The following PHACTR2 variants were observed in gnomAD, a reference collection of about 807,000 sequenced individuals.
PHACTR2 encodes the protein phosphatase and actin regulator 2, also known as chromosome 6 open reading frame 56.
PHACTR2 carries 30 observed loss-of-function variants against 76.0 expected under a neutral mutation model. The observed-to-expected ratio is 0.39, with a 90% CI of 0.30 to 0.54. The LOEUF (loss-of-function observed/expected upper bound fraction) is 0.54. PHACTR2 is among the 20% of genes least tolerant of loss of function. PHACTR2 has a pLI of 0.61. For synonymous variants in PHACTR2, 292 were observed against 292.5 expected, an observed-to-expected ratio of 1.00 and a Z score of 0.02; for missense variants, 696 against 781.1, an observed-to-expected ratio of 0.89 and a Z score of 1.30.
chr6:143,808,969 A>T (rs1211714195), intron 12 of PHACTR2, among the ~76,000 whole-genome samples: 6 of 152,232 alleles, frequency 3.9e-5, no homozygotes, highest in African/African-American at 1.4e-4. Context: ...AAGGTGGAAT[A>T]TTTTGAGTGA....
At position 143,754,018 on chromosome 6, in the gene PHACTR2, G is replaced by A; in HGVS notation, c.454+106G>A. On this transcript the variant is annotated intron_variant, in intron 4 of 12. Coordinates refer to ENST00000440869, the MANE Select transcript of PHACTR2 (RefSeq NM_001100164.2). The surrounding 1 kb of genome is among the most constrained non-coding windows in gnomAD (Gnocchi z 6.2). ...ACTCTAAAACCAGCAGTCTGCAGAGGAGAGGTTTACAAATAGAAAAAAGAA... is the reference window on the plus strand; with the variant it reads ...ACTCTAAAACCAGCAGTCTGCAGAGAAGAGGTTTACAAATAGAAAAAAGAA... The A allele has an allele frequency of 1.7e-6, 1 of 597,990 alleles. No individual in the cohort carries two copies. Among genetic ancestry groups the A allele is most frequent in the Non-Finnish European group, 2.7e-6 (1 of 376,236 alleles). The allele number at this position is 597,990 out of a possible 1,614,324, so 37.0% of individuals were successfully genotyped here. A position where few individuals can be genotyped will look rare whatever the true frequency, so the allele number is the denominator to read the frequency against.
rs570386431 is a variant in PHACTR2, at chr6:143,550,160, A to G, written c.217+12953A>G. 6.6e-5 allele frequency among the ~76,000 whole-genome samples: 10 copies of G among 152,128 alleles called. No homozygotes were observed. Among genetic ancestry groups the G allele is most frequent in the Admixed American group, 5.9e-4 (9 of 15,278 alleles). On this transcript the variant is annotated intron_variant, in intron 1 of 11. Coordinates refer to the PHACTR2 transcript ENST00000367584. This position sits in a 1 kb window ranked among gnomAD's most constrained non-coding sequence, Gnocchi z 4.8. ...TATTATCTAATGTAGCATTTCTCAT[A>G]TCTAATGTAGACTTTCTCATACACA...
intron 1 of PHACTR2, among the ~76,000 whole-genome samples, chr6:143,587,473 A>T (rs1345817410): frequency 6.6e-6 from 1 of 152,132 alleles, no homozygotes; most frequent in African/African-American, 2.4e-5. Context: ...ATAATAATAA[A>T]AGCAAGATAT....
chr6:143,727,960 C>G (rs1369577147), intron 2 of PHACTR2, among the ~76,000 whole-genome samples: 1 of 152,250 alleles, frequency 6.6e-6, no homozygotes, highest in Admixed American at 6.5e-5. Context: ...TTCACCTCTC[C>G]TATTGAACTG....
In PHACTR2 at chr6:143,596,013, G is replaced by T. The variant is rs1395535757; in HGVS notation, c.217+58806G>T. On this transcript the variant is annotated intron_variant, in intron 1 of 11. Transcript: ENST00000367584. The surrounding 1 kb of genome is among the most constrained non-coding windows in gnomAD (Gnocchi z 4.6). ...CTATCTACTGGAGACTCTTAAAATA[G>T]TACTTTAAAGAATAAAAGAACACTT... Among the ~76,000 whole-genome samples, 3 of 152,138 alleles carry T rather than the reference G, an allele frequency of 2.0e-5. No individual in the cohort carries two copies. The highest frequency in any genetic ancestry group is 4.4e-5 in the Non-Finnish European group (3 of 68,030).
rs1277562733 is a variant in PHACTR2, at chr6:143,753,947, GT to G, written c.454+36del. The G allele has an allele frequency of 1.3e-6, 2 of 1,494,650 alleles. No individual in the cohort carries two copies. The highest frequency in any genetic ancestry group is 1.8e-6 in the Non-Finnish European group (2 of 1,102,596). 92.6% of individuals were successfully genotyped at this position (1,494,650 alleles called of 1,614,324 possible). A position where few individuals can be genotyped will look rare whatever the true frequency, so the allele number is the denominator to read the frequency against. ...AGACAAACCCATATTATTTACTTTA[GT>G]ATATAGCTCAATGTCTAGAACCAGC... On this transcript the variant is annotated intron_variant, in intron 4 of 12. Transcript: ENST00000440869. This position sits in a 1 kb window ranked among gnomAD's most constrained non-coding sequence, Gnocchi z 4.6.
chr6:143,758,761 G>A (rs566819238), intron 4 of PHACTR2, among the ~76,000 whole-genome samples: 2 of 152,230 alleles, frequency 1.3e-5, no homozygotes, highest in African/African-American at 4.8e-5. Flanking sequence ...AGGATTTTGT[G>A]GCTGAGGCAG....
At position 143,633,851 on chromosome 6, in the gene PHACTR2, A is replaced by C. The variant is rs1297753713; in HGVS notation, c.13+25529A>C. Among the ~76,000 whole-genome samples the C allele has an allele frequency of 4.7e-4, 71 of 152,164 alleles. No individual in the cohort carries two copies. Among genetic ancestry groups the C allele is most frequent in the Non-Finnish European group, 1.9e-4 (13 of 68,040 alleles). On this transcript the variant is annotated intron_variant, in intron 1 of 11. Transcript: ENST00000305766. This position sits in a 1 kb window ranked among gnomAD's most constrained non-coding sequence, Gnocchi z 4.1. ...TCTAGATTCATTTTTTCGCATTTAG[A>C]TGTCCAGTTACCTTTTGAAGATGAA...
Position 143,597,026 on chromosome 6 carries a change from G to A in PHACTR2, c.217+59819G>A, listed in dbSNP as rs893248326. Among the ~76,000 whole-genome samples, 6 of 152,016 alleles carry A rather than the reference G, an allele frequency of 3.9e-5. No homozygotes were observed. Among genetic ancestry groups the A allele is most frequent in the South Asian group, 2.1e-4 (1 of 4,816 alleles). On this transcript the variant is annotated intron_variant, in intron 1 of 11. Coordinates refer to the PHACTR2 transcript ENST00000367584. This position sits in a 1 kb window ranked among gnomAD's most constrained non-coding sequence, Gnocchi z 5.7. Reference sequence around the variant, plus strand: ...GCCCTCCTGCCTCCTTCCCTCCTGCGTTTCTGCTCCCAGTATGCACATCAA... The same window carrying A: ...GCCCTCCTGCCTCCTTCCCTCCTGCATTTCTGCTCCCAGTATGCACATCAA...
intron 1 of PHACTR2, among the ~76,000 whole-genome samples, chr6:143,632,470 C>T (rs1157473677): frequency 2.0e-5 from 3 of 152,222 alleles, no homozygotes; most frequent in East Asian, 3.9e-4. Context: ...TTTAGGTTTA[C>T]AGCAACATAA....
rs1340491822 is a variant in PHACTR2, at chr6:143,618,847, C to A, written c.13+10525C>A. On this transcript the variant is annotated intron_variant, in intron 1 of 11. Coordinates refer to the PHACTR2 transcript ENST00000305766. This position sits in a 1 kb window ranked among gnomAD's most constrained non-coding sequence, Gnocchi z 5.2. Reference sequence around the variant, plus strand: ...AAACTCTCTTCTACCCCTGTTGGAACACGTAGCAGATATACCATCATGCTG... The same window carrying A: ...AAACTCTCTTCTACCCCTGTTGGAAAACGTAGCAGATATACCATCATGCTG... Among the ~76,000 whole-genome samples the A allele has an allele frequency of 1.3e-5, 2 of 152,082 alleles. No homozygotes were observed. The highest frequency in any genetic ancestry group is 4.8e-5 in the African/African-American group (2 of 41,398).
intron 2 of PHACTR2, among the ~76,000 whole-genome samples, chr6:143,728,416 G>T (rs1391982653): frequency 2.0e-5 from 3 of 151,592 alleles, no homozygotes; most frequent in Non-Finnish European, 4.4e-5. Context: ...GTTTCACCAT[G>T]TTGCCCAGGC....
intron 6 of PHACTR2, among the ~76,000 whole-genome samples, chr6:143,768,184 G>A (rs1211329066): frequency 6.6e-6 from 1 of 152,138 alleles, no homozygotes; most frequent in Non-Finnish European, 1.5e-5. Flanking sequence ...TCAAACCCTA[G>A]GAGCATTCTT....
At chr6:143,677,915 T>A, upstream of PHACTR2, 16 of 397,220 alleles carry the variant, frequency 4.0e-5, no homozygotes, top group Non-Finnish European at 5.1e-5. Context: ...ACCCCCCTTC[T>A]TCCCCCGTGA....
At chr6:143,577,919 G>A (rs7751857) in intron 1 of PHACTR2, among the ~76,000 whole-genome samples, 49,432 of 151,682 alleles carry the variant, frequency 0.33, 8,729 homozygotes, top group Non-Finnish European at 0.4. Flanking sequence ...AGAGAAATAT[G>A]ACTATCAATA....
rs544471845 is a variant in PHACTR2, at chr6:143,618,885, C to T, written c.13+10563C>T. On this transcript the variant is annotated intron_variant, in intron 1 of 11. Coordinates refer to the PHACTR2 transcript ENST00000305766. The surrounding 1 kb of genome is among the most constrained non-coding windows in gnomAD (Gnocchi z 5.2). The stretch of plus-strand genomic sequence containing the variant: ...TACCATCATGCTGCTTCACGTGCTC[C>T]TCAAGAACAGGGCCACGTCTCCTTC... Among the ~76,000 whole-genome samples, 1 of 152,220 alleles carries T rather than the reference C, an allele frequency of 6.6e-6. No individual in the cohort carries two copies. Among genetic ancestry groups the T allele is most frequent in the South Asian group, 2.1e-4 (1 of 4,814 alleles).
chr6:143,651,925 GA>G (rs1776770086), intron 1 of PHACTR2, among the ~76,000 whole-genome samples: 1 of 151,574 alleles, frequency 6.6e-6, no homozygotes, highest in African/African-American at 2.4e-5. Flanking sequence ...CACTCACACA[GA>G]AAAGGCCATG....
At position 143,585,103 on chromosome 6, in the gene PHACTR2, A is replaced by G. The variant is rs924538557; in HGVS notation, c.217+47896A>G. The stretch of plus-strand genomic sequence containing the variant: ...AGCAATTATGGAGTTGTTGACGGGC[A>G]GGACCAAGGCCTGGCAGTAGACCCG... On this transcript the variant is annotated intron_variant, in intron 1 of 11. Coordinates refer to the PHACTR2 transcript ENST00000367584. The surrounding 1 kb of genome is among the most constrained non-coding windows in gnomAD (Gnocchi z 5.2). Among the ~76,000 whole-genome samples the G allele has an allele frequency of 1.3e-5, 2 of 152,166 alleles. No individual in the cohort carries two copies. The highest frequency in any genetic ancestry group is 2.9e-5 in the Non-Finnish European group (2 of 68,030).
At chr6:143,613,115 T>C (rs1776006685) in intron 1 of PHACTR2, among the ~76,000 whole-genome samples, 1 of 152,240 alleles carries the variant, frequency 6.6e-6, no homozygotes. Flanking sequence ...TAGCTGGGAC[T>C]ACAGGCGCCT....
Sources: allele counts gnomAD v4.1 joint callset (sites outside exome capture counted in the v4.1 genomes callset), GRCh38; gene constraint gnomAD v4.1.1; non-coding constraint Gnocchi (gnomAD v3.1); transcripts MANE v1.5; gene names NCBI Gene and HGNC (gene_info 2026-07-23, HGNC 2026-07-21).